The following ADGRV1 variants were observed in gnomAD, a reference collection of about 807,000 sequenced individuals.
ADGRV1 encodes G-protein coupled receptor 98.
A neutral mutation model predicts 596.2 loss-of-function variants in ADGRV1; 359 were observed. The ratio of observed to expected loss-of-function variants is 0.60; its 90% CI spans 0.55 to 0.66. ADGRV1 has a LOEUF of 0.66. Among genes scored for constraint, ADGRV1 ranks in the 30% least tolerant of loss-of-function variants. The pLI, the probability that ADGRV1 is intolerant of heterozygous loss-of-function variation, is 0.00. For synonymous variants in ADGRV1, 2,681 were observed against 2,679.2 expected, an observed-to-expected ratio of 1.00 and a Z score of -0.02; for missense variants, 7,274 against 7,575.6, an observed-to-expected ratio of 0.96 and a Z score of 1.48.
In ADGRV1 at chr5:90,724,921, T is replaced by C. The variant is rs748350702; in HGVS notation, c.9838T>C (p.Tyr3280His). The C allele has an allele frequency of 3.7e-6, 6 of 1,610,988 alleles. No individual in the cohort carries two copies. The highest frequency in any genetic ancestry group is 4.2e-6 in the Non-Finnish European group (5 of 1,177,518). The change falls in exon 46 of 90, where the codon TAT (tyrosine) becomes CAT (histidine). Residue 3280 changes from tyrosine to histidine, a missense_variant. Tyr to His is a moderately conservative substitution (Grantham distance 83). Around this residue, in one of 5 missense-constraint regions of ADGRV1, gnomAD observed 3,643 missense variants for 3,809.2 expected, o/e 0.96. Coordinates refer to ENST00000405460, the MANE Select transcript of ADGRV1 (RefSeq NM_032119.4). ...WCFFTLENLI[Y>H]GIMLRKSSVT... The stretch of plus-strand genomic sequence containing the variant: ...TTTCTTTACTTTGGAAAATTTAATA[T>C]ATGGTATAATGTTAAGAAAATCATC...
chr5:90,595,692 C>T (rs1291543728), intron 1 of ADGRV1, among the ~76,000 whole-genome samples: 6 of 128,002 alleles, frequency 4.7e-5, no homozygotes, highest in East Asian at 2.6e-4. Flanking sequence ...CCGGACGGGG[C>T]GGCTGGCCAG....
At chr5:90,620,894 G>T (rs1330179967) in intron 4 of ADGRV1, among the ~76,000 whole-genome samples, 1 of 152,096 alleles carries the variant, frequency 6.6e-6, no homozygotes, top group Non-Finnish European at 1.5e-5. Flanking sequence ...AAATTCTGTA[G>T]TCATCCCAAC....
intron 1 of ADGRV1, among the ~76,000 whole-genome samples, chr5:90,610,032 C>A (rs1210217642): frequency 2.0e-5 from 3 of 151,770 alleles, no homozygotes; most frequent in Non-Finnish European, 4.4e-5. Flanking sequence ...TACTCTCTTC[C>A]TTATTCTACT....
In ADGRV1 at chr5:90,703,771, T is replaced by C. The variant is rs1407728844; in HGVS notation, c.8262T>C (p.Phe2754=). ...ATCTAGAACTCAATTTTGCTAACTT[T>C]AGCGGACAACTTTTCTTTCCTGAGG... The part of the protein sequence containing the change: ...GQNLELNFAN[F]SGQLFFPEGS... Residue 2754 remains phenylalanine, a synonymous_variant, in exon 35 of 90, where the codon TTT becomes TTC. Transcript: ENST00000405460. 5 of 1,600,578 alleles carry C rather than the reference T, an allele frequency of 3.1e-6. No homozygotes were observed. The highest frequency in any genetic ancestry group is 1.7e-4 in the Middle Eastern group (1 of 6,028).
At position 90,811,223 on chromosome 5, in the gene ADGRV1, G is replaced by A. The variant is rs1348784671; in HGVS notation, c.15963G>A (p.Glu5321=). The change falls in exon 74 of 90, where the codon GAG becomes GAA. Residue 5321 remains glutamate (E), a synonymous_variant. Transcript: ENST00000405460. ...CAGTTCAAATTTTGGATGATGATGA[G>A]CCTGAGGGGCAGGAATTCTTCTACG... The part of the protein sequence containing the change: ...KVSVQILDDD[E]PEGQEFFYVF... 6.2e-7 allele frequency: 1 copy of A among 1,613,034 alleles called. No individual in the cohort carries two copies. The highest frequency in any genetic ancestry group is 2.2e-5 in the East Asian group (1 of 44,870).
At position 90,778,625 on chromosome 5, in the gene ADGRV1, C is replaced by T; in HGVS notation, c.12849+16C>T. ...AGCACAGAGGGTATAGTATGAAATG[C>T]TTAAGATTTTAATATCATTTTTATT... On this transcript the variant is annotated intron_variant, in intron 63 of 89. Transcript: ENST00000405460. The T allele has an allele frequency of 6.6e-7, 1 of 1,504,394 alleles. No individual in the cohort carries two copies. Among genetic ancestry groups the T allele is most frequent in the Non-Finnish European group, 8.9e-7 (1 of 1,126,538 alleles). The allele number at this position is 1,504,394 out of a possible 1,614,324, so 93.2% of individuals were successfully genotyped here.
intron 39 of ADGRV1, among the ~76,000 whole-genome samples, chr5:90,709,245 T>C (rs552707355): frequency 1.3e-5 from 2 of 152,292 alleles, no homozygotes; most frequent in South Asian, 2.1e-4. Context: ...CTCTCAGATG[T>C]TTTTATTTTC....
chr5:91,030,746 A>G (rs943269055), intron 85 of ADGRV1, among the ~76,000 whole-genome samples: 1 of 152,202 alleles, frequency 6.6e-6, no homozygotes, highest in African/African-American at 2.4e-5. Flanking sequence ...GAATGCAAAT[A>G]ACAGACAAGA....
chr5:90,943,147 G>A (rs191081631), intron 83 of ADGRV1, among the ~76,000 whole-genome samples: 269 of 140,754 alleles, frequency 1.9e-3, no homozygotes, highest in African/African-American at 6.4e-3. Context: ...AGTATTTTTT[G>A]TCCACAATAT....
chr5:90,985,288 T>G, intron 84 of ADGRV1, 56 bp from the exon 85 acceptor site: 1 of 1,308,530 alleles, frequency 7.6e-7, no homozygotes, highest in Non-Finnish European at 1.0e-6. Flanking sequence ...CAGTAGAGTT[T>G]GTGTTCTGTG....
intron 85 of ADGRV1, among the ~76,000 whole-genome samples, chr5:91,052,386 A>G (rs2151312146): frequency 6.6e-6 from 1 of 151,044 alleles, no homozygotes; most frequent in African/African-American, 2.4e-5. Context: ...TTTTGTTAAT[A>G]GCACTGTTTT....
rs116480183 is a variant in ADGRV1, at chr5:90,720,207, T to A, written c.9607T>A (p.Ser3203Thr). Residue 3203 changes from serine (S) to threonine (T), a missense_variant, in exon 44 of 90, where the codon TCT (serine) becomes ACT (threonine). Around this residue, in one of 5 missense-constraint regions of ADGRV1, gnomAD observed 3,643 missense variants for 3,809.2 expected, o/e 0.96. Transcript: ENST00000405460. ...GGCCCCTTTGGGGCTATTCAGTATC[T>A]CTGCAGTTGAAAATAGGTATAGTTT... ...NQAPLGLFSI[S>T]AVENRATSID... The A allele has an allele frequency of 9.2e-4, 1,434 of 1,553,054 alleles. 9 individuals carry two copies. In the African/African-American group the frequency reaches 0.017, roughly 18 times the overall value.
chr5:91,146,663 G>T (rs1020346511), intron 87 of ADGRV1, among the ~76,000 whole-genome samples: 2 of 152,150 alleles, frequency 1.3e-5, no homozygotes, highest in African/African-American at 4.8e-5. Flanking sequence ...AATGTGAATG[G>T]ATCACTATTA....
intron 72 of ADGRV1, 90 bp downstream of exon 72, chr5:90,805,548 C>T: frequency 9.2e-7 from 1 of 1,089,334 alleles, no homozygotes. Context: ...TTATTCTGGA[C>T]ACTAAATGTA....
intron 83 of ADGRV1, among the ~76,000 whole-genome samples, chr5:90,918,046 C>T (rs1403640265): frequency 6.6e-6 from 1 of 152,020 alleles, no homozygotes; most frequent in Non-Finnish European, 1.5e-5. Context: ...TTCAAGGTTA[C>T]ACAACTAGCA....
rs369171835 is a variant in ADGRV1 at position 90,734,058 on chromosome 5, T to C, written c.10549+4294T>C. ...CCTAGCTTATTTACTTGGCATAATG[T>C]CTTCCAGATCCATCCATATTGTCCC... On this transcript the variant is annotated intron_variant, in intron 50 of 89. Coordinates refer to ENST00000405460, the MANE Select transcript of ADGRV1 (RefSeq NM_032119.4). Among the ~76,000 whole-genome samples, 4 of 152,354 alleles carry C rather than the reference T, an allele frequency of 2.6e-5. No homozygotes were observed. In the South Asian group the frequency reaches 8.3e-4, roughly 32 times the overall value.
At position 90,840,856 on chromosome 5, in the gene ADGRV1, G is replaced by C; in HGVS notation, c.16890G>C (p.Gly5630=). 1 of 1,612,324 alleles carries C rather than the reference G, an allele frequency of 6.2e-7. No homozygotes were observed. Among genetic ancestry groups the C allele is most frequent in the East Asian group, 2.2e-5 (1 of 44,860 alleles). Residue 5630 remains glycine (G), a synonymous_variant, in exon 78 of 90, where the codon GGG becomes GGC. Transcript: ENST00000405460. ...VSDADSQAIW[G]LADQLHQPVN... ...ATGCAGATTCGCAGGCCATTTGGGG[G>C]CTTGCAGATCAGCTACATCAGCCTG...
intron 87 of ADGRV1, among the ~76,000 whole-genome samples, chr5:91,107,007 G>T (rs893677321): frequency 1.3e-5 from 2 of 152,188 alleles, no homozygotes; most frequent in Non-Finnish European, 2.9e-5. Flanking sequence ...GAGCAATGCG[G>T]TCTACAGCTG....
chr5:91,158,669 A>G (rs959568531), intron 89 of ADGRV1, among the ~76,000 whole-genome samples: 1 of 152,236 alleles, frequency 6.6e-6, no homozygotes, highest in Non-Finnish European at 1.5e-5. Flanking sequence ...GGTCCATCCA[A>G]TGCAAATTCC....
Sources: gnomAD v4.1 joint callset for allele counts (sites outside exome capture counted in the v4.1 genomes callset) on GRCh38, gnomAD v4.1.1 for gene constraint, gnomAD v4.1.1 regional missense constraint, MANE v1.5 for transcripts, NCBI Gene and HGNC (gene_info 2026-07-23, HGNC 2026-07-21) for gene names.